The following TEX2 variants were observed in gnomAD, a reference collection of about 807,000 sequenced individuals.
TEX2 encodes testis expressed 2.
A neutral mutation model predicts 106.9 loss-of-function variants in TEX2; 53 were observed. The ratio of observed to expected loss-of-function variants is 0.50; its 90% CI spans 0.40 to 0.62. The LOEUF is 0.62. Ranked by LOEUF, TEX2 falls within the 20% of genes least tolerant of loss-of-function variation. The pLI, the probability that TEX2 is intolerant of heterozygous loss-of-function variation, is 0.00. For synonymous variants in TEX2, 523 were observed against 534.8 expected, an observed-to-expected ratio of 0.98 and a Z score of 0.30; for missense variants, 1,207 against 1,379.0, an observed-to-expected ratio of 0.88 and a Z score of 1.98.
chr17:64,211,300 C>T (rs1272499188), intron 2 of TEX2, among the ~76,000 whole-genome samples: 2 of 152,106 alleles, frequency 1.3e-5, no homozygotes, highest in Admixed American at 6.5e-5. Context: ...TGGACAATGA[C>T]CACCTCTCTC....
intron 1 of TEX2, among the ~76,000 whole-genome samples, chr17:64,244,574 A>G (rs1250900295): frequency 1.3e-5 from 2 of 152,218 alleles, no homozygotes; most frequent in Non-Finnish European, 2.9e-5. Flanking sequence ...ACATCTCCAC[A>G]GAAACTTTCC....
chr17:64,179,554 G>T (rs542322394), intron 5 of TEX2, among the ~76,000 whole-genome samples: 116 of 152,254 alleles, frequency 7.6e-4, no homozygotes, highest in Non-Finnish European at 1.5e-3. Context: ...CACCATGAAG[G>T]TCCGAGACTT....
At position 64,205,612 on chromosome 17, in the gene TEX2, A is replaced by C. The variant is rs541302035; in HGVS notation, c.1644+6962T>G. On this transcript the variant is annotated intron_variant, in intron 2 of 11. Coordinates refer to ENST00000584379, the MANE Select transcript of TEX2 (RefSeq NM_001288732.2). The surrounding 1 kb of genome is among the most constrained non-coding windows in gnomAD (Gnocchi z 4.0). ...AAAGAATTTCAACAAATTGAGATTAAATTTACAAATTGGAATTTCTCCTCA... is the reference window on the plus strand; with the variant it reads ...AAAGAATTTCAACAAATTGAGATTACATTTACAAATTGGAATTTCTCCTCA... Among the ~76,000 whole-genome samples the C allele has an allele frequency of 6.6e-6, 1 of 152,282 alleles. No individual in the cohort carries two copies. Among genetic ancestry groups the C allele is most frequent in the East Asian group, 1.9e-4 (1 of 5,184 alleles).
At chr17:64,170,990 C>T (rs1388206542) in intron 7 of TEX2, 110 bp downstream of exon 7, 2 of 824,242 alleles carry the variant, frequency 2.4e-6, no homozygotes, top group African/African-American at 3.4e-5. Context: ...CAACATGAAA[C>T]AGATGATTTA....
intron 5 of TEX2, among the ~76,000 whole-genome samples, chr17:64,180,978 G>T (rs1183475427): frequency 3.3e-5 from 5 of 152,178 alleles, no homozygotes; most frequent in Non-Finnish European, 7.3e-5. Context: ...GGACAGTGTG[G>T]TCCAGGAGAT....
intron 2 of TEX2, among the ~76,000 whole-genome samples, chr17:64,211,471 T>G (rs2032998504): frequency 6.6e-6 from 1 of 152,158 alleles, no homozygotes; most frequent in South Asian, 2.1e-4. Context: ...ATCCATGGAT[T>G]CAATCAACCT....
intron 8 of TEX2, among the ~76,000 whole-genome samples, chr17:64,157,092 C>T (rs1462386340): frequency 6.6e-6 from 1 of 152,166 alleles, no homozygotes; most frequent in Non-Finnish European, 1.5e-5. Context: ...CAGTATTATG[C>T]GGCACCCAAT....
chr17:64,192,778 T>C (rs939456354), intron 4 of TEX2, among the ~76,000 whole-genome samples: 38 of 152,176 alleles, frequency 2.5e-4, no homozygotes, highest in African/African-American at 8.9e-4. Context: ...TCTGAAGCAA[T>C]GTGTGACACT....
At position 64,213,995 on chromosome 17, in the gene TEX2, G is replaced by A. The variant is rs147348905; in HGVS notation, c.223C>T (p.Leu75Phe). Residue 75 changes from leucine to phenylalanine, a missense_variant, in exon 2 of 12, where the codon CTC (leucine) becomes TTC (phenylalanine). Leu to Phe is a conservative substitution (Grantham distance 22). This residue lies in a region of TEX2 where 1,067 missense variants were observed against 1,193.6 expected (regional missense o/e 0.89). Transcript: ENST00000584379. The surrounding 1 kb of genome is among the most constrained non-coding windows in gnomAD (Gnocchi z 4.4). ...TGGCCAACTTGGGGTTCAAGATAGA[G>A]GTCTTCCTTGGCTTCCAGCCCTGTT... is the stretch of plus-strand genomic sequence containing the variant. ...IVTGLEAKEDLYLEPQVGHDP... is the reference protein window; with the variant it reads ...IVTGLEAKEDFYLEPQVGHDP... The A allele has an allele frequency of 8.7e-6, 14 of 1,614,060 alleles. No homozygotes were observed. In the African/African-American group the frequency reaches 1.9e-4, roughly 22 times the overall value.
chr17:64,147,942 C>T lies in TEX2; in HGVS notation c.*1027G>A, dbSNP rs1223405040. 6.6e-6 allele frequency: 1 copy of T among 152,608 alleles called. No homozygotes were observed. The highest frequency in any genetic ancestry group is 1.5e-5 in the Non-Finnish European group (1 of 68,026). The allele number at this position is 152,608 out of a possible 1,614,324, so 9.5% of individuals were successfully genotyped here. ...CAACCTTGTAAACTAAACATTCTGA[C>T]ACAAATGCACAAAATTAAGTTGGCA... On this transcript the variant is annotated 3_prime_UTR_variant, in exon 12 of 12. Coordinates refer to ENST00000584379, the MANE Select transcript of TEX2 (RefSeq NM_001288732.2).
chr17:64,149,828 G>A (rs1292537557), intron 11 of TEX2: 1 of 150,614 alleles, frequency 6.6e-6, no homozygotes, highest in Admixed American at 6.6e-5. Flanking sequence ...TGAGGCATGA[G>A]AATGGTGTGA....
chr17:64,246,862 C>A (rs2033997300), intron 1 of TEX2, among the ~76,000 whole-genome samples: 1 of 152,224 alleles, frequency 6.6e-6, no homozygotes, highest in Non-Finnish European at 1.5e-5. Context: ...GGAGGACCAG[C>A]CTCCTGGTGC....
intron 1 of TEX2, among the ~76,000 whole-genome samples, chr17:64,218,405 CTTTTTTTTTTTTTT>C (rs10526886): frequency 1.2e-4 from 14 of 120,626 alleles, no homozygotes; most frequent in Admixed American, 2.4e-4. Flanking sequence ...GACACTTTCA[CTTTTTTTTTTTTTT>C]TTTTTTTTTT....
intron 4 of TEX2, among the ~76,000 whole-genome samples, chr17:64,189,012 A>G (rs2032196652): frequency 6.6e-6 from 1 of 152,174 alleles, no homozygotes; most frequent in Non-Finnish European, 1.5e-5. Flanking sequence ...GGACCAACAC[A>G]TCCCAAGTAG....
chr17:64,173,273 T>G (rs911990146), intron 6 of TEX2, among the ~76,000 whole-genome samples: 1 of 152,214 alleles, frequency 6.6e-6, no homozygotes, highest in Non-Finnish European at 1.5e-5. Flanking sequence ...CCTCTCCTTT[T>G]TTTTTCTCCC....
chr17:64,251,617 C>G (rs1256781305), intron 1 of TEX2, among the ~76,000 whole-genome samples: 1 of 152,138 alleles, frequency 6.6e-6, no homozygotes, highest in Non-Finnish European at 1.5e-5. Flanking sequence ...TTCCTTTTGA[C>G]ATGTCAGGTG....
Position 64,171,117 on chromosome 17 carries a change from G to A in TEX2, c.2654C>T (p.Pro885Leu). 6.2e-7 allele frequency: 1 copy of A among 1,614,094 alleles called. No individual in the cohort carries two copies. Among genetic ancestry groups the A allele is most frequent in the Non-Finnish European group, 8.5e-7 (1 of 1,179,940 alleles). The change falls in exon 7 of 12, where the codon CCT becomes CTT. Residue 885 changes from proline (P) to leucine (L), a missense_variant. Coordinates refer to ENST00000584379, the MANE Select transcript of TEX2 (RefSeq NM_001288732.2). ...AVPKILQAFK[P>L]YVDHQGLWID... ...GGAGTTACCTTGGTGATCAACGTAA[G>A]GCTTGAAGGCCTGGAGGATTTTTGG...
chr17:64,161,161 T>C (rs2030868003), intron 7 of TEX2, among the ~76,000 whole-genome samples: 1 of 152,026 alleles, frequency 6.6e-6, no homozygotes. Context: ...TGAGGACCCA[T>C]TCACAGGATC....
intron 7 of TEX2, among the ~76,000 whole-genome samples, chr17:64,169,199 C>T (rs1367194259): frequency 1.3e-5 from 2 of 152,044 alleles, no homozygotes; most frequent in African/African-American, 2.4e-5. Flanking sequence ...CCACCATGCC[C>T]GGCTGACTTT....
Sources: gnomAD v4.1 joint callset for allele counts (sites outside exome capture counted in the v4.1 genomes callset) on GRCh38, gnomAD v4.1.1 for gene constraint, gnomAD v4.1.1 regional missense constraint, Gnocchi (gnomAD v3.1) non-coding constraint, MANE v1.5 for transcripts, NCBI Gene and HGNC (gene_info 2026-07-23, HGNC 2026-07-21) for gene names.